LHPP: variants seen among roughly 807,000 people sequenced by gnomAD.
The protein encoded by LHPP is hLHPP.
Under a neutral mutation model 30.3 loss-of-function variants are expected in LHPP, and 24 were observed. The ratio of observed to expected loss-of-function variants is 0.79; its 90% CI spans 0.57 to 1.11. The LOEUF (loss-of-function observed/expected upper bound fraction) is 1.11, where lower values mean the gene tolerates loss of function less well. Ranked by LOEUF, LHPP falls within the 50% of genes most tolerant of loss-of-function variation. The pLI, the probability that LHPP is intolerant of heterozygous loss-of-function variation, is 0.00. For synonymous variants in LHPP, 150 were observed against 157.1 expected (o/e 0.95, Z 0.34); for missense variants, 356 against 367.2 (o/e 0.97, Z 0.25).
At chr10:124,525,619 C>T (rs190396382) in intron 6 of LHPP, among the ~76,000 whole-genome samples, 123 of 152,298 alleles carry the variant, frequency 8.1e-4, no homozygotes, top group African/African-American at 2.9e-3. Flanking sequence ...CTGGTGGGGT[C>T]CACATGGCTC....
At chr10:124,559,898 C>A (rs1470824787) in intron 6 of LHPP, among the ~76,000 whole-genome samples, 1 of 152,278 alleles carries the variant, frequency 6.6e-6, no homozygotes, top group Non-Finnish European at 1.5e-5. Flanking sequence ...TCAGCCAGCG[C>A]TGCCAAGTGC....
At chr10:124,501,644 A>AG (rs11412459) in intron 5 of LHPP, among the ~76,000 whole-genome samples, 10,622 of 150,894 alleles carry the variant, frequency 0.07, 550 homozygotes, top group African/African-American at 0.12. Context: ...GGAACTGGAC[A>AG]GTGATGATGG....
intron 6 of LHPP, among the ~76,000 whole-genome samples, chr10:124,578,101 C>T (rs1200347918): frequency 6.6e-6 from 1 of 152,210 alleles, no homozygotes; most frequent in Non-Finnish European, 1.5e-5. Context: ...ACACCTGAGT[C>T]GCTCTTCCTC....
intron 6 of LHPP, among the ~76,000 whole-genome samples, chr10:124,573,860 G>A (rs1948620198): frequency 6.6e-6 from 1 of 152,248 alleles, no homozygotes; most frequent in African/African-American, 2.4e-5. Context: ...GGGGCTGTGG[G>A]GGGATGCAGC....
intron 6 of LHPP, among the ~76,000 whole-genome samples, chr10:124,519,194 C>G (rs1299116116): frequency 6.6e-6 from 1 of 152,276 alleles, no homozygotes; most frequent in East Asian, 1.9e-4. Context: ...GCGAACCACC[C>G]GCCTCTTCCT....
intron 5 of LHPP, among the ~76,000 whole-genome samples, chr10:124,499,410 G>A (rs1244128974): frequency 6.6e-6 from 1 of 151,780 alleles, no homozygotes; most frequent in Non-Finnish European, 1.5e-5. Flanking sequence ...TTGGGAGGCT[G>A]AGGCAGGTGG....
At chr10:124,484,435 GC>G in intron 2 of LHPP, 109 bp downstream of exon 2, 1 of 1,087,600 alleles carries the variant, frequency 9.2e-7, no homozygotes, top group African/African-American at 1.6e-5. Flanking sequence ...ACTGAGCTAG[GC>G]CACCAACACT....
chr10:124,558,783 G>A (rs780052576), intron 6 of LHPP, among the ~76,000 whole-genome samples: 13 of 152,224 alleles, frequency 8.5e-5, no homozygotes, highest in Non-Finnish European at 1.9e-4. Flanking sequence ...GGACACAGAT[G>A]TCTCAGCAAA....
Position 124,461,974 on chromosome 10 carries a change from G to T in LHPP, c.112G>T (p.Glu38Ter). ...CGGCACGGCCATCGCCGGCTCGGTG[G>T]AGGCGGTGGCCAGGTGAGTGGGCCC... is the stretch of plus-strand genomic sequence containing the variant. ...GGGTAIAGSV[E>*]AVARLKRSRL... Residue 38 changes from glutamate (E) to a stop codon, truncating the protein, a stop_gained, in exon 1 of 7, where the codon GAG (glutamate) becomes TAG (stop). Transcript: ENST00000368842. LOFTEE classifies it high-confidence loss of function. 13 of 1,219,948 alleles carry T rather than the reference G, an allele frequency of 1.1e-5. No homozygotes were observed. The highest frequency in any genetic ancestry group is 4.1e-5 in the South Asian group (1 of 24,340). The allele number at this position is 1,219,948 out of a possible 1,614,324, so 75.6% of individuals were successfully genotyped here.
intron 1 of LHPP, among the ~76,000 whole-genome samples, chr10:124,474,930 C>CCCAA (rs1460324346): frequency 4.6e-5 from 7 of 152,158 alleles, no homozygotes. Context: ...ATGTACCTGC[C>CCCAA]CCAACAGTGG....
At chr10:124,551,087 G>A (rs1391427372) in intron 6 of LHPP, among the ~76,000 whole-genome samples, 1 of 152,164 alleles carries the variant, frequency 6.6e-6, no homozygotes, top group East Asian at 1.9e-4. Context: ...CCTCCCCCAG[G>A]CCTGTCGCCA....
chr10:124,607,827 A>G (rs1949115667), intron 6 of LHPP, among the ~76,000 whole-genome samples: 1 of 152,226 alleles, frequency 6.6e-6, no homozygotes, highest in Non-Finnish European at 1.5e-5. Context: ...CTGCGGTACC[A>G]GAGAGGACGT....
At chr10:124,578,715 C>T (rs1168768278) in intron 6 of LHPP, among the ~76,000 whole-genome samples, 1 of 152,222 alleles carries the variant, frequency 6.6e-6, no homozygotes, top group Non-Finnish European at 1.5e-5. Flanking sequence ...CACCGCGCCA[C>T]GCGTCAGAAG....
intron 6 of LHPP, among the ~76,000 whole-genome samples, chr10:124,610,410 CGGGTGAGGGTGA>C (rs768267614): frequency 3.6e-5 from 4 of 110,000 alleles, no homozygotes; most frequent in Admixed American, 9.8e-5. Flanking sequence ...GCTGGTGGAG[CGGGTGAGGGTGA>C]GGGTGAGGGT....
chr10:124,536,164 T>C lies in LHPP; in HGVS notation c.716+18893T>C, dbSNP rs1955021363. Among the ~76,000 whole-genome samples the C allele has an allele frequency of 2.6e-5, 4 of 152,234 alleles. No individual in the cohort carries two copies. The South Asian group carries it at 8.3e-4, about 31-fold the overall frequency. ...CTTTTCCACCCCTGCCGCGTGTGCG[T>C]GCAGACTGGCCCTGCGGTCCATGGG... On this transcript the variant is annotated intron_variant, in intron 6 of 6. Coordinates refer to ENST00000368842, the MANE Select transcript of LHPP (RefSeq NM_022126.4).
intron 6 of LHPP, among the ~76,000 whole-genome samples, chr10:124,587,943 G>T (rs530377668): frequency 6.6e-6 from 1 of 152,284 alleles, no homozygotes; most frequent in South Asian, 2.1e-4. Flanking sequence ...GGGGACCCCA[G>T]ACCCACCCGG....
intron 5 of LHPP, among the ~76,000 whole-genome samples, chr10:124,505,264 T>C (rs1022435967): frequency 2.0e-5 from 3 of 152,254 alleles, no homozygotes; most frequent in African/African-American, 7.2e-5. Context: ...CTGTGTCTTA[T>C]GCACAGGGTA....
chr10:124,466,378 A>G (rs1273327925), intron 1 of LHPP, among the ~76,000 whole-genome samples: 1 of 152,192 alleles, frequency 6.6e-6, no homozygotes, highest in Non-Finnish European at 1.5e-5. Flanking sequence ...GAGCTGGAGG[A>G]TAAGGAAAGT....
rs569634835 is a variant in LHPP, at chr10:124,475,785, G to T, written c.126-8354G>T. 7.2e-5 allele frequency among the ~76,000 whole-genome samples: 11 copies of T among 152,206 alleles called. No individual in the cohort carries two copies. The South Asian group carries it at 2.1e-3, about 29-fold the overall frequency. On this transcript the variant is annotated intron_variant, in intron 1 of 6. Transcript: ENST00000368842. The stretch of plus-strand genomic sequence containing the variant: ...TCAGGGACGTCGGGCTGCTGCTGAG[G>T]CTCCTAGGCTGAGGAGTGGAAGAAA...
Sources: gnomAD v4.1 joint callset for allele counts (sites outside exome capture counted in the v4.1 genomes callset) on GRCh38, gnomAD v4.1.1 for gene constraint, MANE v1.5 for transcripts, NCBI Gene and HGNC (gene_info 2026-07-23, HGNC 2026-07-21) for gene names.